Variants in PARD3 observed in about 807,000 individuals in gnomAD.
The protein encoded by PARD3 is par-3 family cell polarity regulator, also known as partitioning defective 3 homolog.
A neutral mutation model predicts 155.4 loss-of-function variants in PARD3; 75 were observed. The ratio of observed to expected loss-of-function variants is 0.48; its 90% CI spans 0.40 to 0.58. PARD3 has a LOEUF of 0.58. Ranked by LOEUF, PARD3 falls within the 20% of genes least tolerant of loss-of-function variation. The probability of loss-of-function intolerance (pLI) is 0.00; values close to 1 mark genes in which losing one functional copy is unlikely to be tolerated. For synonymous variants in PARD3, 576 were observed against 610.5 expected (o/e 0.94, Z 0.83); for missense variants, 1,642 against 1,721.7 (o/e 0.95, Z 0.82).
intron 2 of PARD3, among the ~76,000 whole-genome samples, chr10:34,599,472 C>A (rs2089582861): frequency 6.6e-6 from 1 of 152,124 alleles, no homozygotes; most frequent in Admixed American, 6.5e-5. Context: ...TTCAGACTGC[C>A]GGCATGGAAC....
At chr10:34,572,012 C>CA (rs982148832) in intron 2 of PARD3, among the ~76,000 whole-genome samples, 1 of 151,726 alleles carries the variant, frequency 6.6e-6, no homozygotes, top group African/African-American at 2.4e-5. Flanking sequence ...AGAATTTCTA[C>CA]AAAAAAAGAC....
chr10:34,533,615 C>T (rs1409073583), intron 2 of PARD3, among the ~76,000 whole-genome samples: 2 of 151,704 alleles, frequency 1.3e-5, no homozygotes, highest in Non-Finnish European at 2.9e-5. Context: ...GTGACCAGCC[C>T]GGACAACATG....
chr10:34,406,522 GTCTGATATCGT>G (rs1844491503), intron 5 of PARD3, among the ~76,000 whole-genome samples: 1 of 152,044 alleles, frequency 6.6e-6, no homozygotes, highest in Non-Finnish European at 1.5e-5. Context: ...CTAATAATTG[GTCTGATATCGT>G]TCTAAAAGTT....
At chr10:34,428,849 T>C (rs1405258574) in intron 5 of PARD3, among the ~76,000 whole-genome samples, 1 of 152,134 alleles carries the variant, frequency 6.6e-6, no homozygotes, top group African/African-American at 2.4e-5. Context: ...CACACAAATA[T>C]ATACACACAT....
At chr10:34,786,357 A>G (rs1840964496) in intron 1 of PARD3, among the ~76,000 whole-genome samples, 1 of 152,232 alleles carries the variant, frequency 6.6e-6, no homozygotes, top group Non-Finnish European at 1.5e-5. Context: ...ACCCATAACT[A>G]TTGACTAAAA....
intron 5 of PARD3, among the ~76,000 whole-genome samples, chr10:34,419,117 T>A (rs965253729): frequency 1.3e-5 from 2 of 152,094 alleles, no homozygotes; most frequent in Non-Finnish European, 1.5e-5. Flanking sequence ...AAATTAAATT[T>A]AAAAAACAGA....
chr10:34,391,900 A>C lies in PARD3; in HGVS notation c.890+7430T>G, dbSNP rs535837837. Among the ~76,000 whole-genome samples the C allele has an allele frequency of 3.1e-3, 477 of 152,366 alleles. 1 individual carries two copies. Among genetic ancestry groups the C allele is most frequent in the Admixed American group, 5.9e-3 (90 of 15,306 alleles). On this transcript the variant is annotated intron_variant, in intron 7 of 24. Coordinates refer to ENST00000374788, the MANE Select transcript of PARD3 (RefSeq NM_001184785.2). ...GCCAGAAGTGATGGCTCACACCTGT[A>C]ATCCCAGCACTTCGGGAGGCCGAGG...
intron 5 of PARD3, among the ~76,000 whole-genome samples, chr10:34,440,829 C>T (rs1229575206): frequency 6.6e-6 from 1 of 151,926 alleles, no homozygotes; most frequent in Non-Finnish European, 1.5e-5. Flanking sequence ...CACGAAGGGA[C>T]CCAGATGCCT....
At chr10:34,161,690 A>G (rs1404623931) in intron 22 of PARD3, among the ~76,000 whole-genome samples, 1 of 152,232 alleles carries the variant, frequency 6.6e-6, no homozygotes, top group Non-Finnish European at 1.5e-5. Flanking sequence ...GGAAAGTGGC[A>G]ACTCTGGTTC....
chr10:34,617,537 C>T (rs1474803343), intron 2 of PARD3, among the ~76,000 whole-genome samples: 1 of 152,160 alleles, frequency 6.6e-6, no homozygotes, highest in Non-Finnish European at 1.5e-5. Context: ...ATACTACTTA[C>T]CCTAATTTGA....
At chr10:34,228,056 A>G (rs989395741) in intron 22 of PARD3, among the ~76,000 whole-genome samples, 3 of 151,702 alleles carry the variant, frequency 2.0e-5, no homozygotes, top group Non-Finnish European at 4.4e-5. Context: ...AATGTGGCAC[A>G]TATACACCAT....
chr10:34,586,713 G>T (rs1000884121), intron 2 of PARD3, among the ~76,000 whole-genome samples: 1 of 152,170 alleles, frequency 6.6e-6, no homozygotes, highest in Admixed American at 6.5e-5. Context: ...TTGGGAGGCC[G>T]AGGCGAGTTG....
chr10:34,706,696 G>A (rs1260112135), intron 1 of PARD3, among the ~76,000 whole-genome samples: 1 of 152,184 alleles, frequency 6.6e-6, no homozygotes, highest in East Asian at 1.9e-4. Context: ...GGAAGGTTGA[G>A]GCTGCTGTGA....
intron 2 of PARD3, among the ~76,000 whole-genome samples, chr10:34,604,569 T>A (rs2090065025): frequency 6.7e-6 from 1 of 148,302 alleles, no homozygotes; most frequent in South Asian, 2.1e-4. Flanking sequence ...CTCTCCTTTA[T>A]TTATATATAT....
chr10:34,579,572 G>GTGTGTA lies in PARD3; in HGVS notation c.223-62414_223-62413insTACACA, dbSNP rs1554775633. ...ATTTTCTCTGTGTGTGTGTGTGTGTGTGTGTGTGTGTGTGTGTGTGTGTTT... is the reference window on the plus strand; with the variant it reads ...ATTTTCTCTGTGTGTGTGTGTGTGTGTGTGTATGTGTGTGTGTGTGTGTGTGTGTTT... On this transcript the variant is annotated intron_variant, in intron 2 of 24. Transcript: ENST00000374788. Among the ~76,000 whole-genome samples, 24 of 149,660 alleles carry GTGTGTA rather than the reference G, an allele frequency of 1.6e-4. 1 individual carries two copies. The highest frequency in any genetic ancestry group is 2.1e-4 in the South Asian group (1 of 4,680).
intron 1 of PARD3, among the ~76,000 whole-genome samples, chr10:34,745,328 C>T (rs1835162348): frequency 6.6e-6 from 1 of 151,612 alleles, no homozygotes; most frequent in South Asian, 2.1e-4. Context: ...TGCCACCACA[C>T]TCCAGCTTGG....
rs984692774 is a variant in PARD3 at position 34,792,160 on chromosome 10, C to G, written c.120+22716G>C. On this transcript the variant is annotated intron_variant, in intron 1 of 24. Coordinates refer to ENST00000374788, the MANE Select transcript of PARD3 (RefSeq NM_001184785.2). ...CTGTGCACCCCTAGCTCTCCCCGGA[C>G]GTGCGCCCACGTGCTCTTTGCGGAG... Among the ~76,000 whole-genome samples the G allele has an allele frequency of 4.6e-5, 7 of 152,062 alleles. No individual in the cohort carries two copies. In the South Asian group the frequency reaches 1.5e-3, roughly 32 times the overall value.
intron 2 of PARD3, among the ~76,000 whole-genome samples, chr10:34,597,308 A>G (rs563779316): frequency 1.5e-4 from 23 of 148,892 alleles, no homozygotes; most frequent in Non-Finnish European, 2.6e-4. Context: ...TTTATATATA[A>G]TATAATATTG....
intron 22 of PARD3, among the ~76,000 whole-genome samples, chr10:34,231,015 A>T (rs535353041): frequency 1.1e-4 from 17 of 152,148 alleles, no homozygotes; most frequent in African/African-American, 4.1e-4. Context: ...TGACAGAGCG[A>T]GACCCTGTAT....
Sources: gnomAD v4.1 joint callset for allele counts (sites outside exome capture counted in the v4.1 genomes callset) on GRCh38, gnomAD v4.1.1 for gene constraint, MANE v1.5 for transcripts, NCBI Gene and HGNC (gene_info 2026-07-23, HGNC 2026-07-21) for gene names.